STK4: variants seen among roughly 807,000 people sequenced by gnomAD.
STK4 encodes serine/threonine-protein kinase 4.
Under a neutral mutation model 64.9 loss-of-function variants are expected in STK4, and 30 were observed. The observed-to-expected ratio is 0.46, with a 90% CI of 0.35 to 0.63. The LOEUF (loss-of-function observed/expected upper bound fraction) is 0.63, where lower values mean the gene tolerates loss of function less well. Among genes scored for constraint, STK4 ranks in the 20% least tolerant of loss-of-function variants. The pLI is 0.01. For synonymous variants in STK4, 177 were observed against 199.0 expected (o/e 0.89, Z 0.93); for missense variants, 466 against 598.5 (o/e 0.78, Z 2.31).
intron 4 of STK4, among the ~76,000 whole-genome samples, chr20:44,985,927 G>A (rs2067523286): frequency 1.3e-5 from 2 of 152,286 alleles, no homozygotes; most frequent in Middle Eastern, 3.4e-3. Context: ...TTGTCAGAAG[G>A]GGAACTATGT....
chr20:45,002,583 T>A (rs910480617), intron 9 of STK4, among the ~76,000 whole-genome samples: 4 of 152,212 alleles, frequency 2.6e-5, no homozygotes, highest in African/African-American at 9.7e-5. Context: ...TTGAGATTTT[T>A]AAAAATTCCT....
At chr20:45,060,356 T>A (rs1374979920) in intron 10 of STK4, among the ~76,000 whole-genome samples, 1 of 152,252 alleles carries the variant, frequency 6.6e-6, no homozygotes, top group African/African-American at 2.4e-5. Context: ...TTACTTGATA[T>A]AACCAAACTT....
At chr20:45,001,442 C>A in intron 9 of STK4, 89 bp downstream of exon 9, 1 of 1,422,122 alleles carries the variant, frequency 7.0e-7, no homozygotes, top group South Asian at 1.6e-5. Context: ...CAGGCTTAGC[C>A]TTGGGTTCTT....
chr20:45,007,429 C>T (rs752938965), intron 9 of STK4, among the ~76,000 whole-genome samples: 3 of 152,106 alleles, frequency 2.0e-5, no homozygotes, highest in South Asian at 4.1e-4. Flanking sequence ...CGCCTGTAGT[C>T]CCAGCTACTC....
chr20:45,025,847 T>G (rs2145385122), intron 10 of STK4, among the ~76,000 whole-genome samples: 1 of 152,352 alleles, frequency 6.6e-6, no homozygotes, highest in Non-Finnish European at 1.5e-5. Context: ...ATAAAAGAAC[T>G]TAGATTGGGC....
At chr20:45,059,527 G>T (rs1284417795) in intron 10 of STK4, among the ~76,000 whole-genome samples, 1 of 152,152 alleles carries the variant, frequency 6.6e-6, no homozygotes. Context: ...TGTATAGCAT[G>T]GTTATGCTGG....
intron 2 of STK4, among the ~76,000 whole-genome samples, chr20:44,977,176 C>G (rs2067353844): frequency 1.3e-5 from 2 of 152,120 alleles, no homozygotes; most frequent in Admixed American, 1.3e-4. Flanking sequence ...AGTTGCCTCT[C>G]TCTGGCAAAA....
intron 3 of STK4, among the ~76,000 whole-genome samples, chr20:44,979,386 A>C (rs1446829453): frequency 6.6e-6 from 1 of 152,182 alleles, no homozygotes; most frequent in African/African-American, 2.4e-5. Context: ...TTTATTTTTG[A>C]GGAACTAAGA....
chr20:44,995,754 C>G lies in STK4; in HGVS notation c.693+497C>G, dbSNP rs2081511760. Among the ~76,000 whole-genome samples the G allele has an allele frequency of 2.6e-5, 4 of 151,970 alleles. No homozygotes were observed. The South Asian group carries it at 8.3e-4, about 31-fold the overall frequency. The stretch of plus-strand genomic sequence containing the variant: ...AGTCATTAATTAATTTAAGTGTGTT[C>G]CACCCCTCTCCATTCCAGAGGTTGT... On this transcript the variant is annotated intron_variant, in intron 6 of 10. Transcript: ENST00000372806.
chr20:45,053,179 T>C (rs984332325), intron 10 of STK4: 7 of 1,610,858 alleles, frequency 4.3e-6, no homozygotes, highest in Non-Finnish European at 5.9e-6. Context: ...AGAAACCACA[T>C]GGTAAATGAA....
chr20:45,067,966 A>C (rs1334904237), intron 10 of STK4, among the ~76,000 whole-genome samples: 1 of 152,206 alleles, frequency 6.6e-6, no homozygotes, highest in East Asian at 1.9e-4. Flanking sequence ...TCTTAGAGCA[A>C]CAGCAGCTAT....
At chr20:45,036,697 C>A (rs1018808479) in intron 10 of STK4, among the ~76,000 whole-genome samples, 1 of 152,056 alleles carries the variant, frequency 6.6e-6, no homozygotes. Context: ...ATCTTCCATC[C>A]GCGAATTGTT....
intron 2 of STK4, among the ~76,000 whole-genome samples, chr20:44,978,116 C>T (rs1846902812): frequency 6.6e-6 from 1 of 152,190 alleles, no homozygotes; most frequent in Non-Finnish European, 1.5e-5. Context: ...ATAGTCATCT[C>T]ATCTTCATTT....
intron 3 of STK4, among the ~76,000 whole-genome samples, chr20:44,979,378 T>TGTCA (rs2067397485): frequency 6.6e-6 from 1 of 152,180 alleles, no homozygotes; most frequent in Non-Finnish European, 1.5e-5. Flanking sequence ...CCTACGTATT[T>TGTCA]ATTTTTGAGG....
intron 9 of STK4, among the ~76,000 whole-genome samples, chr20:45,007,269 T>C (rs2067963917): frequency 6.6e-6 from 1 of 152,148 alleles, no homozygotes; most frequent in African/African-American, 2.4e-5. Flanking sequence ...CACTTCAGAG[T>C]TGGCTGGACG....
At chr20:45,023,252 A>G (rs1051596749) in intron 9 of STK4, among the ~76,000 whole-genome samples, 2 of 152,208 alleles carry the variant, frequency 1.3e-5, no homozygotes, top group African/African-American at 4.8e-5. Context: ...GTGTAGTAGG[A>G]AACCATTGGC....
chr20:45,007,828 T>G (rs1210485765), intron 9 of STK4: 3 of 417,020 alleles, frequency 7.2e-6, no homozygotes, highest in Non-Finnish European at 1.4e-5. Flanking sequence ...CATAAATATA[T>G]TATACCCAGG....
rs911077863 is a variant in STK4 at position 45,079,113 on chromosome 20, G to C, written c.*3937G>C. 1 of 152,078 alleles carries C rather than the reference G, an allele frequency of 6.6e-6. No individual in the cohort carries two copies. The highest frequency in any genetic ancestry group is 2.4e-5 in the African/African-American group (1 of 41,394). The allele number at this position is 152,078 out of a possible 1,614,324, so 9.4% of individuals were successfully genotyped here. ...ACCTGTAATCCCAGCTTGTCAGGAGGCTGAAGTGGGAGGATCACCTGAGCC... is the reference window on the plus strand; with the variant it reads ...ACCTGTAATCCCAGCTTGTCAGGAGCCTGAAGTGGGAGGATCACCTGAGCC... On this transcript the variant is annotated 3_prime_UTR_variant, in exon 11 of 11. Transcript: ENST00000372806.
At chr20:45,025,315 A>C (rs1301620246) in intron 10 of STK4, among the ~76,000 whole-genome samples, 185 bp downstream of exon 10, 1 of 152,212 alleles carries the variant, frequency 6.6e-6, no homozygotes, top group African/African-American at 2.4e-5. Context: ...GATTAGTGGC[A>C]TCTTTTTCGC....
Sources: gnomAD v4.1 joint callset for allele counts (sites outside exome capture counted in the v4.1 genomes callset) on GRCh38, gnomAD v4.1.1 for gene constraint, MANE v1.5 for transcripts, NCBI Gene and HGNC (gene_info 2026-07-23, HGNC 2026-07-21) for gene names.